Variants in GUCY1A2 observed in about 807,000 individuals in gnomAD.
The protein encoded by GUCY1A2 is guanylate cyclase soluble subunit alpha-2.
Under a neutral mutation model 63.5 loss-of-function variants are expected in GUCY1A2, and 27 were observed. The observed-to-expected ratio is 0.43, with a 90% CI of 0.31 to 0.59. The LOEUF is 0.59. GUCY1A2 is among the 20% of genes least tolerant of loss of function. GUCY1A2 has a pLI of 0.11. For synonymous variants in GUCY1A2, 364 were observed against 343.5 expected, an observed-to-expected ratio of 1.06 and a Z score of -0.66; for missense variants, 768 against 913.3, an observed-to-expected ratio of 0.84 and a Z score of 2.05.
intron 4 of GUCY1A2, among the ~76,000 whole-genome samples, chr11:106,904,398 G>A (rs1425072056): frequency 6.6e-6 from 1 of 152,028 alleles, no homozygotes; most frequent in Non-Finnish European, 1.5e-5. Context: ...TTGATTAAAT[G>A]TTTAGAATGT....
Position 106,809,993 on chromosome 11 carries a change from C to A in GUCY1A2, c.1692G>T (p.Lys564Asn). ...TATGTAAGTAACTAAACTCCCTTAC[C>A]TTATAAATATCCAAAAATCCACACT... ...DHQCGFLDIY[K>N]VETIGDAYCV... The change falls in exon 5 of 8, where the codon AAG becomes AAT. Residue 564 changes from lysine (K) to asparagine (N), a missense_variant and splice_region_variant. This residue lies in a region of GUCY1A2 where 122 missense variants were observed against 238.1 expected (regional missense o/e 0.51). Coordinates refer to ENST00000526355, the MANE Select transcript of GUCY1A2 (RefSeq NM_000855.3). The A allele has an allele frequency of 6.3e-7, 1 of 1,590,558 alleles. No homozygotes were observed. Among genetic ancestry groups the A allele is most frequent in the South Asian group, 1.1e-5 (1 of 90,064 alleles).
At chr11:106,782,193 A>G (rs537585068) in intron 5 of GUCY1A2, among the ~76,000 whole-genome samples, 2 of 152,268 alleles carry the variant, frequency 1.3e-5, no homozygotes, top group East Asian at 3.9e-4. Flanking sequence ...ATGGGGCATA[A>G]GAGCAGAGGT....
At chr11:106,979,029 C>G (rs1382530005) in intron 2 of GUCY1A2, among the ~76,000 whole-genome samples, 3 of 152,166 alleles carry the variant, frequency 2.0e-5, no homozygotes, top group Admixed American at 1.3e-4. Flanking sequence ...TCTGAGAGCA[C>G]TTCATCAAGG....
intron 6 of GUCY1A2, among the ~76,000 whole-genome samples, chr11:106,754,428 T>C (rs1863937330): frequency 6.6e-6 from 1 of 152,214 alleles, no homozygotes; most frequent in Admixed American, 6.5e-5. Flanking sequence ...ATCCCTGTCT[T>C]GTGCCAGTTT....
At chr11:106,772,854 T>C (rs1425178507) in intron 6 of GUCY1A2, among the ~76,000 whole-genome samples, 1 of 152,220 alleles carries the variant, frequency 6.6e-6, no homozygotes, top group Non-Finnish European at 1.5e-5. Flanking sequence ...GGAATGTCTA[T>C]ATTTGCAGTG....
chr11:106,995,151 G>T (rs1028883257), intron 1 of GUCY1A2, among the ~76,000 whole-genome samples: 1 of 152,162 alleles, frequency 6.6e-6, no homozygotes, highest in Non-Finnish European at 1.5e-5. Context: ...GGCTGATTCA[G>T]TCTTCAAAGT....
At chr11:106,932,742 CA>C in intron 4 of GUCY1A2, among the ~76,000 whole-genome samples, 1 of 152,218 alleles carries the variant, frequency 6.6e-6, no homozygotes, top group African/African-American at 2.4e-5. Flanking sequence ...TTACAATAAC[CA>C]AAATAGCTTG....
chr11:106,893,465 A>AAT (rs140739579), intron 4 of GUCY1A2, among the ~76,000 whole-genome samples: 110,936 of 151,468 alleles, frequency 0.73, 41,150 homozygotes, highest in East Asian at 0.86. Context: ...ACATAGGCCA[A>AAT]ATATATATAT....
rs1862357107 is a variant in GUCY1A2 at position 106,676,995 on chromosome 11, C to G, written c.*10554G>C. 4.7e-6 allele frequency: 1 copy of G among 213,068 alleles called. No individual in the cohort carries two copies. Among genetic ancestry groups the G allele is most frequent in the African/African-American group, 2.3e-5 (1 of 44,214 alleles). 13.2% of individuals were successfully genotyped at this position (213,068 alleles called of 1,614,324 possible). A position where few individuals can be genotyped will look rare whatever the true frequency, so the allele number is the denominator to read the frequency against. The stretch of plus-strand genomic sequence containing the variant: ...GTCTCTGGAAGTCAAGGTCCCAATT[C>G]TCTCAGTCACTTCTATCCTCAACTG... On this transcript the variant is annotated 3_prime_UTR_variant, in exon 8 of 8. Coordinates refer to ENST00000526355, the MANE Select transcript of GUCY1A2 (RefSeq NM_000855.3).
At chr11:106,768,383 A>G (rs1337782767) in intron 6 of GUCY1A2, among the ~76,000 whole-genome samples, 1 of 152,172 alleles carries the variant, frequency 6.6e-6, no homozygotes, top group Non-Finnish European at 1.5e-5. Flanking sequence ...CTACTTTTTC[A>G]AAGAGGACAT....
chr11:106,797,956 C>CA lies in GUCY1A2; in HGVS notation c.1692+12036dup, dbSNP rs1209215893. Among the ~76,000 whole-genome samples, 6 of 152,028 alleles carry CA rather than the reference C, an allele frequency of 3.9e-5. No individual in the cohort carries two copies. In the East Asian group the frequency reaches 9.7e-4, roughly 25 times the overall value. ...GGAGATAGAGACACAAAAGACCCTT[C>CA]AAAAAATCAATGAATCCAGGAGCTG... On this transcript the variant is annotated intron_variant, in intron 5 of 7. Transcript: ENST00000526355.
intron 5 of GUCY1A2, among the ~76,000 whole-genome samples, chr11:106,789,480 A>G (rs982430739): frequency 6.6e-6 from 1 of 152,172 alleles, no homozygotes; most frequent in African/African-American, 2.4e-5. Context: ...CTCCAGGATT[A>G]GTCGCTGGTG....
At position 106,716,517 on chromosome 11, in the gene GUCY1A2, C is replaced by T. The variant is rs754597501; in HGVS notation, c.1837-7851G>A. Reference sequence around the variant, plus strand: ...TTTCTTTAGGCAATTCGCTTTCTCCCGTTCTCAGCTCCGCAGGTTTGGTGG... The same window carrying T: ...TTTCTTTAGGCAATTCGCTTTCTCCTGTTCTCAGCTCCGCAGGTTTGGTGG... On this transcript the variant is annotated intron_variant, in intron 6 of 7. Coordinates refer to ENST00000526355, the MANE Select transcript of GUCY1A2 (RefSeq NM_000855.3). Among the ~76,000 whole-genome samples, 102 of 152,050 alleles carry T rather than the reference C, an allele frequency of 6.7e-4. 2 individuals are homozygous for T. The highest frequency in any genetic ancestry group is 2.6e-4 in the Admixed American group (4 of 15,272).
Position 107,002,192 on chromosome 11 carries a change from C to T in GUCY1A2, c.303+15561G>A, listed in dbSNP as rs538982653. Reference sequence around the variant, plus strand: ...TTTGATGACATATGTCCTATTTGGCCTTATTTCACCTTCCACACTACCTTT... The same window carrying T: ...TTTGATGACATATGTCCTATTTGGCTTTATTTCACCTTCCACACTACCTTT... On this transcript the variant is annotated intron_variant, in intron 1 of 7. Transcript: ENST00000526355. Among the ~76,000 whole-genome samples, 7 of 152,056 alleles carry T rather than the reference C, an allele frequency of 4.6e-5. No individual in the cohort carries two copies. In the South Asian group the frequency reaches 1.5e-3, roughly 32 times the overall value.
At chr11:106,895,646 G>T (rs539665014) in intron 4 of GUCY1A2, among the ~76,000 whole-genome samples, 1 of 152,212 alleles carries the variant, frequency 6.6e-6, no homozygotes, top group Non-Finnish European at 1.5e-5. Flanking sequence ...CCAGCCATGT[G>T]GAACTGTGAG....
At chr11:106,911,696 T>C (rs1240078479) in intron 4 of GUCY1A2, among the ~76,000 whole-genome samples, 1 of 152,100 alleles carries the variant, frequency 6.6e-6, no homozygotes, top group African/African-American at 2.4e-5. Context: ...AGGAAGAACC[T>C]TATTTTTGTG....
intron 6 of GUCY1A2, among the ~76,000 whole-genome samples, chr11:106,733,014 C>A (rs1398892042): frequency 1.3e-5 from 2 of 152,140 alleles, no homozygotes; most frequent in South Asian, 2.1e-4. Flanking sequence ...TAATCACAGA[C>A]AACTGTAATC....
Position 106,776,446 on chromosome 11 carries a change from G to T in GUCY1A2, c.1829C>A (p.Pro610Gln), listed in dbSNP as rs781424682. Residue 610 changes from proline (P) to glutamine (Q), a missense_variant, in exon 6 of 8, where the codon CCG becomes CAG. By Grantham distance (76) the Pro-to-Gln change is moderately conservative (BLOSUM62 -1). This residue lies in a region of GUCY1A2 where 150 missense variants were observed against 188.3 expected (regional missense o/e 0.80). Coordinates refer to ENST00000526355, the MANE Select transcript of GUCY1A2 (RefSeq NM_000855.3). Reference protein sequence around the residue: ...SEEVLTPDGRPIQMRIGIHSG... With the variant: ...SEEVLTPDGRQIQMRIGIHSG... Reference sequence around the variant, plus strand: ...GATTGTTGGGAGGGTTACCTGAATCGGTCTTCCATCAGGTGTCAGCACCTC... The same window carrying T: ...GATTGTTGGGAGGGTTACCTGAATCTGTCTTCCATCAGGTGTCAGCACCTC... 1.1e-5 allele frequency: 17 copies of T among 1,612,582 alleles called. No individual in the cohort carries two copies. Among genetic ancestry groups the T allele is most frequent in the Non-Finnish European group, 1.4e-5 (16 of 1,178,774 alleles).
intron 4 of GUCY1A2, among the ~76,000 whole-genome samples, chr11:106,851,046 A>T (rs1859347040): frequency 1.3e-5 from 2 of 151,770 alleles, no homozygotes; most frequent in East Asian, 3.9e-4. Flanking sequence ...AACTGGAGTG[A>T]CATCTCTCAT....
Sources: gnomAD v4.1 joint callset for allele counts (sites outside exome capture counted in the v4.1 genomes callset) on GRCh38, gnomAD v4.1.1 for gene constraint, gnomAD v4.1.1 regional missense constraint, MANE v1.5 for transcripts, NCBI Gene and HGNC (gene_info 2026-07-23, HGNC 2026-07-21) for gene names.